Variants in CCNY observed in about 807,000 individuals in gnomAD.
The protein encoded by CCNY is cyclin-Y.
In CCNY, 19 loss-of-function variants were observed where a neutral mutation model predicts 42.8. The observed-to-expected ratio is 0.44, with a 90% CI of 0.31 to 0.65. The LOEUF is 0.65. Among genes scored for constraint, CCNY ranks in the 30% least tolerant of loss-of-function variants. The probability of loss-of-function intolerance (pLI) is 0.07; values close to 1 mark genes in which losing one functional copy is unlikely to be tolerated. For synonymous variants in CCNY, 165 were observed against 162.7 expected (o/e 1.01, Z -0.11); for missense variants, 370 against 437.3 (o/e 0.85, Z 1.37).
chr10:35,461,145 C>G (rs942665869), intron 1 of CCNY, among the ~76,000 whole-genome samples: 1 of 152,132 alleles, frequency 6.6e-6, no homozygotes, highest in African/African-American at 2.4e-5. Context: ...ATGACACTTT[C>G]CATATCCTGT....
At chr10:35,563,710 A>G (rs1192176865) in intron 8 of CCNY, among the ~76,000 whole-genome samples, 1 of 152,076 alleles carries the variant, frequency 6.6e-6, no homozygotes, top group African/African-American at 2.4e-5. Flanking sequence ...ATTATTATTT[A>G]TTTATTTATT....
intron 1 of CCNY, among the ~76,000 whole-genome samples, chr10:35,359,446 A>G (rs1174493301): frequency 1.3e-5 from 2 of 152,166 alleles, no homozygotes; most frequent in Non-Finnish European, 2.9e-5. Context: ...TAAAAAACAA[A>G]TTTGTGGTAT....
chr10:35,254,230 T>C (rs1242897336), intron 3 of CCNY, among the ~76,000 whole-genome samples: 1 of 152,200 alleles, frequency 6.6e-6, no homozygotes, highest in Non-Finnish European at 1.5e-5. Flanking sequence ...GTTTATTTTC[T>C]CTGGACACAT....
At chr10:35,293,508 T>C (rs1024507340) in intron 3 of CCNY, among the ~76,000 whole-genome samples, 2 of 152,206 alleles carry the variant, frequency 1.3e-5, no homozygotes, top group African/African-American at 4.8e-5. Flanking sequence ...AGAAGTTAGC[T>C]GGAATTTTGG....
chr10:35,345,585 G>A (rs1836284743), intron 1 of CCNY, among the ~76,000 whole-genome samples: 1 of 152,078 alleles, frequency 6.6e-6, no homozygotes, highest in African/African-American at 2.4e-5. Flanking sequence ...CATTATGAAT[G>A]TGGTACTCAT....
chr10:35,529,752 C>T (rs2135422823), intron 5 of CCNY, among the ~76,000 whole-genome samples: 1 of 151,830 alleles, frequency 6.6e-6, no homozygotes, highest in Non-Finnish European at 1.5e-5. Context: ...TGCCTGTAAT[C>T]CCAGCTAATT....
At chr10:35,406,383 G>A (rs933990938) in intron 1 of CCNY, among the ~76,000 whole-genome samples, 6 of 151,906 alleles carry the variant, frequency 3.9e-5, no homozygotes, top group Non-Finnish European at 8.8e-5. Context: ...GTGGCCTTCC[G>A]CAGTGTTTGT....
chr10:35,252,565 CAA>C (rs755376669), intron 3 of CCNY, among the ~76,000 whole-genome samples: 26 of 21,540 alleles, frequency 1.2e-3, no homozygotes, highest in African/African-American at 3.8e-3. Flanking sequence ...GACTCCGTCT[CAA>C]AAAAAAAAAA....
At chr10:35,318,139 C>T (rs1227261182) in intron 3 of CCNY, among the ~76,000 whole-genome samples, 1 of 151,994 alleles carries the variant, frequency 6.6e-6, no homozygotes, top group African/African-American at 2.4e-5. Context: ...AAGGTGGGAA[C>T]ATCACTTGAG....
intron 1 of CCNY, among the ~76,000 whole-genome samples, chr10:35,425,556 G>A (rs1285784656): frequency 6.6e-6 from 1 of 152,160 alleles, no homozygotes; most frequent in Non-Finnish European, 1.5e-5. Context: ...AATGAATTTT[G>A]TAAGTGTGAA....
intron 8 of CCNY, among the ~76,000 whole-genome samples, chr10:35,559,151 T>C (rs551987703): frequency 1.1e-4 from 16 of 152,290 alleles, no homozygotes; most frequent in Non-Finnish European, 1.9e-4. Flanking sequence ...ATGAACAGAA[T>C]GTTGTTGGCA....
chr10:35,523,366 C>T (rs1188511822), intron 4 of CCNY, among the ~76,000 whole-genome samples: 1 of 152,210 alleles, frequency 6.6e-6, no homozygotes, highest in Admixed American at 6.5e-5. Flanking sequence ...TGATTCCAGC[C>T]TCAGGTTTGA....
chr10:35,321,333 CCATT>C (rs1835820112), intron 3 of CCNY, among the ~76,000 whole-genome samples: 1 of 151,970 alleles, frequency 6.6e-6, no homozygotes, highest in African/African-American at 2.4e-5. Flanking sequence ...ATGATGATGA[CCATT>C]TTTCCCAAAT....
At chr10:35,561,250 C>G (rs1841460577) in intron 8 of CCNY, among the ~76,000 whole-genome samples, 2 of 152,122 alleles carry the variant, frequency 1.3e-5, no homozygotes. Context: ...TGGCTTGGGC[C>G]TGAGGGTGGG....
chr10:35,371,213 C>T (rs143255340), intron 1 of CCNY, among the ~76,000 whole-genome samples: 4 of 152,306 alleles, frequency 2.6e-5, no homozygotes, highest in Non-Finnish European at 5.9e-5. Context: ...ACAGAAGCAA[C>T]GTGATACCTG....
chr10:35,248,878 C>T (rs1337620254), intron 2 of CCNY, among the ~76,000 whole-genome samples: 1 of 152,168 alleles, frequency 6.6e-6, no homozygotes, highest in African/African-American at 2.4e-5. Context: ...CTTTGGTTTC[C>T]TCAGCAATGT....
chr10:35,337,353 C>A, intron 1 of CCNY, 146 bp downstream of exon 1: 1 of 808,256 alleles, frequency 1.2e-6, no homozygotes, highest in Non-Finnish European at 1.8e-6. Context: ...CCTAGGCGCC[C>A]GGGGCCCCGC....
intron 2 of CCNY, among the ~76,000 whole-genome samples, chr10:35,492,118 C>G (rs1183916027): frequency 4.6e-5 from 7 of 152,170 alleles, no homozygotes; most frequent in Non-Finnish European, 1.0e-4. Flanking sequence ...CATGTCCTCT[C>G]TCAAACCTTT....
intron 1 of CCNY, among the ~76,000 whole-genome samples, chr10:35,406,233 ATTTATTTATTTT>A (rs1166269567): frequency 3.0e-5 from 3 of 99,320 alleles, no homozygotes; most frequent in Admixed American, 1.0e-4. Flanking sequence ...TTATTTATTT[ATTTATTTATTTT>A]TTTATTGATC....
Sources: gnomAD v4.1 joint callset for allele counts (sites outside exome capture counted in the v4.1 genomes callset) on GRCh38, gnomAD v4.1.1 for gene constraint, MANE v1.5 for transcripts, NCBI Gene and HGNC (gene_info 2026-07-23, HGNC 2026-07-21) for gene names.